Variants in TNIK observed in about 807,000 individuals in gnomAD.
TNIK encodes TRAF2 and NCK-interacting protein kinase.
In TNIK, 49 loss-of-function variants were observed where a neutral mutation model predicts 191.3. The observed-to-expected ratio is 0.26, with a 90% CI of 0.20 to 0.32. The LOEUF (loss-of-function observed/expected upper bound fraction) is 0.32, where lower values mean the gene tolerates loss of function less well. Ranked by LOEUF, TNIK falls within the 10% of genes least tolerant of loss-of-function variation. The probability of loss-of-function intolerance (pLI) is 1.00; values close to 1 mark genes in which losing one functional copy is unlikely to be tolerated. For missense variants in TNIK, 1,155 were observed against 1,702.3 expected, an observed-to-expected ratio of 0.68 and a Z score of 5.66; for synonymous variants, 594 against 600.9, an observed-to-expected ratio of 0.99 and a Z score of 0.17.
At chr3:171,456,993 A>G (rs1728865364) in intron 1 of TNIK, among the ~76,000 whole-genome samples, 2 of 152,280 alleles carry the variant, frequency 1.3e-5, no homozygotes, top group African/African-American at 4.8e-5. Flanking sequence ...TCAGTTTCCC[A>G]AGTGTTCAAT....
chr3:171,240,559 C>T (rs936074468), intron 2 of TNIK, among the ~76,000 whole-genome samples: 18 of 152,030 alleles, frequency 1.2e-4, no homozygotes, highest in Admixed American at 6.5e-5. Context: ...ACTATTCCCC[C>T]CCAGTCCCCG....
rs116406991 is a variant in TNIK at position 171,214,544 on chromosome 3, T to G, written c.181-3303A>C. ...CTCTATTTGTAAATTATTTTGTAAATGTACTATTTCCAAATCTTAAGTATT... is the reference window on the plus strand; with the variant it reads ...CTCTATTTGTAAATTATTTTGTAAAGGTACTATTTCCAAATCTTAAGTATT... On this transcript the variant is annotated intron_variant, in intron 3 of 32. Coordinates refer to ENST00000436636, the MANE Select transcript of TNIK (RefSeq NM_015028.4). Among the ~76,000 whole-genome samples the G allele has an allele frequency of 3.1e-3, 477 of 152,330 alleles. 1 individual carries two copies. Among genetic ancestry groups the G allele is most frequent in the African/African-American group, 0.011 (461 of 41,572 alleles).
chr3:171,138,281 C>T lies in TNIK; in HGVS notation c.1518G>A (p.Gln506=), dbSNP rs893404294. 8 of 1,613,624 alleles carry T rather than the reference C, an allele frequency of 5.0e-6. No homozygotes were observed. Among genetic ancestry groups the T allele is most frequent in the South Asian group, 1.1e-5 (1 of 91,020 alleles). Residue 506 remains glutamine, a synonymous_variant, in exon 15 of 33, where the codon CAG becomes CAA. Coordinates refer to ENST00000436636, the MANE Select transcript of TNIK (RefSeq NM_015028.4). ...ERDYLVSLQH[Q]RQEQRPVEKK... ...TCTCCACAGGCCTCTGCTCCTGCCG[C>T]TGATGCTGAAGGGAAACTAAGTAGT...
intron 1 of TNIK, among the ~76,000 whole-genome samples, chr3:171,388,264 G>A (rs1719000206): frequency 6.6e-6 from 1 of 152,136 alleles, no homozygotes; most frequent in South Asian, 2.1e-4. Flanking sequence ...AACCACCACA[G>A]AAAGGCCTGG....
At chr3:171,069,694 CAACT>C (rs2108316211) in intron 29 of TNIK, among the ~76,000 whole-genome samples, 1 of 152,304 alleles carries the variant, frequency 6.6e-6, no homozygotes, top group Admixed American at 6.5e-5. Flanking sequence ...GCCCAAGCCC[CAACT>C]AACTGTCAAG....
chr3:171,264,488 T>G (rs573546129), intron 2 of TNIK, among the ~76,000 whole-genome samples: 1 of 152,144 alleles, frequency 6.6e-6, no homozygotes, highest in South Asian at 2.1e-4. Context: ...CCCGAGTAGC[T>G]AGGATTACAG....
At chr3:171,361,140 T>A (rs1714912824) in intron 2 of TNIK, among the ~76,000 whole-genome samples, 1 of 145,144 alleles carries the variant, frequency 6.9e-6, no homozygotes, top group South Asian at 2.1e-4. Flanking sequence ...CAGCTCTCTA[T>A]CCTGGCTGTG....
rs554179177 is a variant in TNIK at position 171,365,213 on chromosome 3, G to A, written c.123+4407C>T. The stretch of plus-strand genomic sequence containing the variant: ...TTTTTTTTTTTTGAGACAGAGTTTC[G>A]CTCTACTTGCCCAAGCTGGAGTGCA... On this transcript the variant is annotated intron_variant, in intron 2 of 32. Transcript: ENST00000436636. Among the ~76,000 whole-genome samples the A allele has an allele frequency of 2.8e-4, 19 of 68,998 alleles. 1 individual carries two copies. Among genetic ancestry groups the A allele is most frequent in the East Asian group, 1.4e-3 (3 of 2,150 alleles). The allele number at this position is 68,998 out of a possible 152,430, so 45.3% of individuals were successfully genotyped here.
chr3:171,068,443 C>CA (rs948707591), intron 30 of TNIK, among the ~76,000 whole-genome samples: 14 of 151,976 alleles, frequency 9.2e-5, no homozygotes, highest in African/African-American at 3.4e-4. Context: ...CTAAAAATAG[C>CA]AAAAAAAGAA....
chr3:171,184,251 T>C (rs530943349), intron 7 of TNIK, among the ~76,000 whole-genome samples: 1 of 152,284 alleles, frequency 6.6e-6, no homozygotes, highest in African/African-American at 2.4e-5. Context: ...ATATATTATG[T>C]TATCTAGATA....
Position 171,134,858 on chromosome 3 carries a change from T to C in TNIK, c.1608+3333A>G, listed in dbSNP as rs143393841. 3.1e-3 allele frequency among the ~76,000 whole-genome samples: 468 copies of C among 151,808 alleles called. 2 individuals carry two copies. The highest frequency in any genetic ancestry group is 0.011 in the African/African-American group (436 of 41,386). On this transcript the variant is annotated intron_variant, in intron 15 of 32. Transcript: ENST00000436636. ...GCATTACATTGCTGATAAAGGACTA[T>C]CGATTTGGAATGAGGAAGAGGAGAA...
chr3:171,308,702 A>C (rs529607356), intron 2 of TNIK, among the ~76,000 whole-genome samples: 4 of 152,192 alleles, frequency 2.6e-5, no homozygotes, highest in South Asian at 4.1e-4. Flanking sequence ...AGCTTAATTG[A>C]ACAAGCAAAA....
At chr3:171,167,376 G>A (rs1409138416) in intron 9 of TNIK, 106 bp from the exon 10 acceptor site, 1 of 1,352,346 alleles carries the variant, frequency 7.4e-7, no homozygotes, top group Non-Finnish European at 1.0e-6. Flanking sequence ...AGGTCCAATT[G>A]GCTGGCATAG....
intron 2 of TNIK, among the ~76,000 whole-genome samples, chr3:171,244,349 G>C (rs1029861426): frequency 3.3e-5 from 5 of 152,164 alleles, no homozygotes; most frequent in African/African-American, 9.7e-5. Context: ...ACAGGCGTGA[G>C]CCACTGCGCC....
intron 18 of TNIK, among the ~76,000 whole-genome samples, chr3:171,114,330 G>GT (rs1257109447): frequency 6.6e-6 from 1 of 152,202 alleles, no homozygotes; most frequent in Non-Finnish European, 1.5e-5. Flanking sequence ...GCTCTGCCCA[G>GT]TTTAAGAGTA....
At chr3:171,128,123 C>T (rs1015742671) in intron 16 of TNIK, among the ~76,000 whole-genome samples, 1 of 152,126 alleles carries the variant, frequency 6.6e-6, no homozygotes, top group Admixed American at 6.5e-5. Flanking sequence ...ACTTAGAGGT[C>T]TTGTTAAATC....
intron 1 of TNIK, 87 bp downstream of exon 1, chr3:171,459,920 G>GGC: frequency 6.0e-6 from 7 of 1,157,364 alleles, no homozygotes; most frequent in East Asian, 2.8e-5. Flanking sequence ...CTGTCCCCCT[G>GGC]CCCCAGCCCC....
In TNIK at chr3:171,211,250, G is replaced by C. The variant is rs1740777290; in HGVS notation, c.181-9C>G. The C allele has an allele frequency of 1.3e-6, 2 of 1,587,266 alleles. No individual in the cohort carries two copies. The highest frequency in any genetic ancestry group is 2.7e-5 in the African/African-American group (2 of 73,708). The stretch of plus-strand genomic sequence containing the variant: ...ATTTCTTCCTCTTCATCCTGTATGA[G>C]AACAATATAAAAATTCTGTCATGAA... On this transcript the variant is annotated splice_polypyrimidine_tract_variant and intron_variant, in intron 3 of 32. Transcript: ENST00000436636.
intron 12 of TNIK, among the ~76,000 whole-genome samples, chr3:171,142,590 C>G (rs926511960): frequency 2.0e-5 from 3 of 152,162 alleles, no homozygotes; most frequent in Non-Finnish European, 4.4e-5. Context: ...TAGAGAAGAG[C>G]AGGAAAAGTA....
Sources: gnomAD v4.1 joint callset for allele counts (sites outside exome capture counted in the v4.1 genomes callset) on GRCh38, gnomAD v4.1.1 for gene constraint, MANE v1.5 for transcripts, NCBI Gene and HGNC (gene_info 2026-07-23, HGNC 2026-07-21) for gene names.